Variants in TRABD2B observed in about 807,000 individuals in gnomAD.
TRABD2B encodes the protein metalloprotease TIKI2.
A neutral mutation model predicts 40.1 loss-of-function variants in TRABD2B; 14 were observed. That is an observed-to-expected ratio of 0.35 (90% confidence interval 0.23 to 0.55). The LOEUF is 0.55. Ranked by LOEUF, TRABD2B falls within the 20% of genes least tolerant of loss-of-function variation. TRABD2B has a pLI of 0.90. For missense variants in TRABD2B, 541 were observed against 648.6 expected (o/e 0.83, Z 1.80); for synonymous variants, 263 against 277.0 (o/e 0.95, Z 0.50).
chr1:47,863,371 T>TA (rs1307942254), intron 2 of TRABD2B, among the ~76,000 whole-genome samples: 95 of 101,608 alleles, frequency 9.3e-4, no homozygotes, highest in South Asian at 2.6e-3. Flanking sequence ...CCTATATAAT[T>TA]TTATATATAT....
At position 47,942,371 on chromosome 1, in the gene TRABD2B, G is replaced by A. The variant is rs140607987; in HGVS notation, c.666+51663C>T. Among the ~76,000 whole-genome samples, 1,011 of 127,710 alleles carry A rather than the reference G, an allele frequency of 7.9e-3. 12 individuals are homozygous for A. The highest frequency in any genetic ancestry group is 0.025 in the African/African-American group (951 of 38,090). The allele number at this position is 127,710 out of a possible 152,430, so 83.8% of individuals were successfully genotyped here. On this transcript the variant is annotated intron_variant, in intron 2 of 6. Transcript: ENST00000606738. ...GGCCAGAGCTGGAAGTGGTTGGAAC[G>A]GGGTGAAGGGGACGATCAGGGGAGG...
chr1:47,964,432 T>TC (rs1231957435), intron 2 of TRABD2B, among the ~76,000 whole-genome samples: 2 of 152,114 alleles, frequency 1.3e-5, no homozygotes, highest in East Asian at 3.9e-4. Flanking sequence ...AAACATCGTT[T>TC]CCAAACTTTT....
rs1427737152 is a variant in TRABD2B, at chr1:47,801,503, G to A, written c.783C>T (p.Ser261=). The change falls in exon 3 of 7, where the codon AGC becomes AGT. Residue 261 remains serine (S), a synonymous_variant. Transcript: ENST00000606738. ...ATGTGTCGTGGTTGAAGATGACTGC[G>A]CTGAGGTCTCCGCAGTTGTAGTGCT... ...LIKHYNCGDL[S]AVIFNHDTSQ... 1.4e-5 allele frequency: 21 copies of A among 1,536,004 alleles called. No individual in the cohort carries two copies. The highest frequency in any genetic ancestry group is 1.2e-4 in the Admixed American group (6 of 50,978).
chr1:47,952,206 C>T (rs1334565633), intron 2 of TRABD2B, among the ~76,000 whole-genome samples: 1 of 152,220 alleles, frequency 6.6e-6, no homozygotes, highest in Non-Finnish European at 1.5e-5. Flanking sequence ...GGTTCCCATC[C>T]TGCCCCTGGT....
At chr1:47,917,567 A>C (rs954603493) in intron 2 of TRABD2B, among the ~76,000 whole-genome samples, 3 of 151,988 alleles carry the variant, frequency 2.0e-5, no homozygotes, top group African/African-American at 7.3e-5. Context: ...TAAAAAATAA[A>C]ATAAAAAAAA....
chr1:47,812,202 C>G (rs992562562), intron 2 of TRABD2B, among the ~76,000 whole-genome samples: 2 of 152,190 alleles, frequency 1.3e-5, no homozygotes, highest in African/African-American at 4.8e-5. Flanking sequence ...ATAAAACATA[C>G]TGGAAAGTCC....
chr1:47,804,088 T>C lies in TRABD2B; in HGVS notation c.667-2469A>G, dbSNP rs544479987. 7.9e-5 allele frequency among the ~76,000 whole-genome samples: 12 copies of C among 152,354 alleles called. No homozygotes were observed. In the South Asian group the frequency reaches 2.3e-3, roughly 29 times the overall value. On this transcript the variant is annotated intron_variant, in intron 2 of 6. Coordinates refer to ENST00000606738, the MANE Select transcript of TRABD2B (RefSeq NM_001194986.2). ...CCTCCCTCCCCTCTCATTTTGTTCATGGCTGGGCAGGAGCGCTAGATTGCA... is the reference window on the plus strand; with the variant it reads ...CCTCCCTCCCCTCTCATTTTGTTCACGGCTGGGCAGGAGCGCTAGATTGCA...
intron 2 of TRABD2B, among the ~76,000 whole-genome samples, chr1:47,926,281 G>A (rs1644967851): frequency 6.6e-6 from 1 of 152,202 alleles, no homozygotes; most frequent in Admixed American, 6.5e-5. Flanking sequence ...CGAGGCCCAA[G>A]GATAAGACTG....
intron 2 of TRABD2B, among the ~76,000 whole-genome samples, chr1:47,803,357 A>G (rs1003386857): frequency 1.3e-5 from 2 of 152,216 alleles, no homozygotes; most frequent in African/African-American, 4.8e-5. Context: ...CAGGCCTGAA[A>G]AGTAGTTACG....
intron 2 of TRABD2B, among the ~76,000 whole-genome samples, chr1:47,846,819 C>T (rs1344163145): frequency 6.7e-6 from 1 of 149,918 alleles, no homozygotes; most frequent in Non-Finnish European, 1.5e-5. Flanking sequence ...CACATTCTGG[C>T]TTAACATAAT....
In TRABD2B at chr1:47,809,733, G is replaced by A. The variant is rs555014301; in HGVS notation, c.667-8114C>T. On this transcript the variant is annotated intron_variant, in intron 2 of 6. Transcript: ENST00000606738. ...GCCTCCAGCACTGAATCCTGTCTCC[G>A]GACACTGGGCTACTGAGCAGCAGGC... is the stretch of plus-strand genomic sequence containing the variant. Among the ~76,000 whole-genome samples, 40 of 152,234 alleles carry A rather than the reference G, an allele frequency of 2.6e-4. 1 individual carries two copies. Among genetic ancestry groups the A allele is most frequent in the African/African-American group, 8.4e-4 (35 of 41,530 alleles).
intron 4 of TRABD2B, among the ~76,000 whole-genome samples, chr1:47,781,581 A>G (rs1644524111): frequency 6.6e-6 from 1 of 152,198 alleles, no homozygotes; most frequent in Non-Finnish European, 1.5e-5. Flanking sequence ...TGTAAGACCC[A>G]AAACAGAAGA....
At chr1:47,916,224 T>C (rs968221004) in intron 2 of TRABD2B, among the ~76,000 whole-genome samples, 1 of 152,112 alleles carries the variant, frequency 6.6e-6, no homozygotes, top group African/African-American at 2.4e-5. Context: ...GGCCCAGCCC[T>C]TACAGAAGCC....
chr1:47,950,348 C>A (rs934845371), intron 2 of TRABD2B, among the ~76,000 whole-genome samples: 2 of 152,008 alleles, frequency 1.3e-5, no homozygotes, highest in Non-Finnish European at 2.9e-5. Flanking sequence ...GAAGCATGGG[C>A]AGCAGGAAAT....
chr1:47,819,076 T>C (rs1471030646), intron 2 of TRABD2B: 2 of 152,246 alleles, frequency 1.3e-5, no homozygotes, highest in African/African-American at 4.8e-5. Flanking sequence ...GACAAGCCTG[T>C]TGTGGGGAGG....
intron 6 of TRABD2B, among the ~76,000 whole-genome samples, chr1:47,769,602 A>T (rs1644352617): frequency 6.6e-6 from 1 of 152,116 alleles, no homozygotes; most frequent in Non-Finnish European, 1.5e-5. Context: ...CCCAGTCCAG[A>T]TCCCCACCCC....
rs141542447 is a variant in TRABD2B, at chr1:47,775,282, C to T, written c.1237G>A (p.Asp413Asn). 185 of 1,256,462 alleles carry T rather than the reference C, an allele frequency of 1.5e-4. 1 individual carries two copies. In the African/African-American group the frequency reaches 1.9e-3, roughly 13 times the overall value. The allele number at this position is 1,256,462 out of a possible 1,614,324, so 77.8% of individuals were successfully genotyped here. A position where few individuals can be genotyped will look rare whatever the true frequency, so the allele number is the denominator to read the frequency against. ...AACTCCTCCAGCTGGCTGAGGCTGT[C>T]GGGGAGCAGGAGGTGTGGGGACAGG... is the stretch of plus-strand genomic sequence containing the variant. Reference protein sequence around the residue: ...PALSPHLLLPDSLSQLEEFGR... With the variant: ...PALSPHLLLPNSLSQLEEFGR... Residue 413 changes from aspartate to asparagine, a missense_variant, in exon 6 of 7, where the codon GAC becomes AAC. Transcript: ENST00000606738.
At chr1:47,850,423 T>A (rs1645532178) in intron 2 of TRABD2B, among the ~76,000 whole-genome samples, 1 of 152,182 alleles carries the variant, frequency 6.6e-6, no homozygotes, top group African/African-American at 2.4e-5. Context: ...GCCAAAATAA[T>A]CCGAAAGGCC....
chr1:47,985,773 C>A (rs2148450512), intron 2 of TRABD2B, among the ~76,000 whole-genome samples: 1 of 152,328 alleles, frequency 6.6e-6, no homozygotes, highest in African/African-American at 2.4e-5. Context: ...TACATGGCAT[C>A]CATCCAATCT....
Sources: gnomAD v4.1 joint callset for allele counts (sites outside exome capture counted in the v4.1 genomes callset) on GRCh38, gnomAD v4.1.1 for gene constraint, MANE v1.5 for transcripts, NCBI Gene and HGNC (gene_info 2026-07-23, HGNC 2026-07-21) for gene names.